Variants in FGD4 observed in about 807,000 individuals in gnomAD.
FGD4 encodes FYVE, RhoGEF and PH domain-containing protein 4.
FGD4 carries 42 observed loss-of-function variants against 102.0 expected under a neutral mutation model. The observed-to-expected ratio is 0.41, with a 90% CI of 0.32 to 0.53. FGD4 has a LOEUF of 0.53. Ranked by LOEUF, FGD4 falls within the 20% of genes least tolerant of loss-of-function variation. The probability of loss-of-function intolerance (pLI) is 0.21; values close to 1 mark genes in which losing one functional copy is unlikely to be tolerated. For missense variants in FGD4, 902 were observed against 1,078.2 expected (o/e 0.84, Z 2.29); for synonymous variants, 380 against 375.7 (o/e 1.01, Z -0.13).
At chr12:32,614,852 G>C (rs984771603) in intron 10 of FGD4, among the ~76,000 whole-genome samples, 4 of 152,164 alleles carry the variant, frequency 2.6e-5, no homozygotes, top group African/African-American at 9.7e-5. Context: ...GTAGAGCTTA[G>C]GTTGAAATAA....
chr12:32,407,391 G>A (rs1940989104), intron 1 of FGD4, among the ~76,000 whole-genome samples: 1 of 152,124 alleles, frequency 6.6e-6, no homozygotes, highest in African/African-American at 2.4e-5. Flanking sequence ...CTCCCAAAGT[G>A]CTGGGATTAC....
chr12:32,486,120 G>T (rs1351355710), intron 1 of FGD4: 1 of 1,530,278 alleles, frequency 6.5e-7, no homozygotes, highest in South Asian at 1.2e-5. Flanking sequence ...TGGATGTTAT[G>T]AAAAGAATCT....
intron 1 of FGD4, among the ~76,000 whole-genome samples, chr12:32,407,091 A>G (rs2651365): frequency 0.55 from 79,935 of 146,028 alleles, 22,511 homozygotes; most frequent in African/African-American, 0.72. Flanking sequence ...GATTACAGGC[A>G]TGAGCCACCA....
chr12:32,543,844 G>C (rs11052060), intron 1 of FGD4, among the ~76,000 whole-genome samples: 12,695 of 152,052 alleles, frequency 0.083, 601 homozygotes, highest in South Asian at 0.19. Flanking sequence ...AGCCAGGATG[G>C]TCTTGATCTC....
At chr12:32,595,198 A>T (rs7305985) in intron 4 of FGD4, among the ~76,000 whole-genome samples, 64,128 of 151,566 alleles carry the variant, frequency 0.42, 15,158 homozygotes, top group African/African-American at 0.65. Flanking sequence ...TTATTACAGG[A>T]TGGAAAGTCA....
chr12:32,454,944 G>A (rs974196867), intron 1 of FGD4, among the ~76,000 whole-genome samples: 19 of 152,068 alleles, frequency 1.2e-4, no homozygotes, highest in African/African-American at 9.7e-5. Context: ...TACAGTTTGG[G>A]GGAGCTTTGA....
intron 1 of FGD4, among the ~76,000 whole-genome samples, chr12:32,466,114 TAA>T (rs1943246014): frequency 6.6e-6 from 1 of 152,192 alleles, no homozygotes; most frequent in African/African-American, 2.4e-5. Flanking sequence ...GATTGTTTTT[TAA>T]AATATAATGG....
At chr12:32,567,822 G>C (rs924076922) in intron 2 of FGD4, among the ~76,000 whole-genome samples, 1 of 151,926 alleles carries the variant, frequency 6.6e-6, no homozygotes, top group Non-Finnish European at 1.5e-5. Context: ...TCAGTAGCTG[G>C]ACTACAGGAA....
intron 7 of FGD4, among the ~76,000 whole-genome samples, chr12:32,607,475 T>A (rs911705502): frequency 1.3e-5 from 2 of 152,144 alleles, no homozygotes; most frequent in East Asian, 3.9e-4. Flanking sequence ...AAGATTGTGA[T>A]GTTACAGATT....
At chr12:32,551,253 G>T (rs1033054420) in intron 1 of FGD4, among the ~76,000 whole-genome samples, 1 of 152,194 alleles carries the variant, frequency 6.6e-6, no homozygotes, top group African/African-American at 2.4e-5. Context: ...CAAGTAAGAG[G>T]CTTAGGAGGC....
chr12:32,411,558 A>G (rs965377087), intron 1 of FGD4, among the ~76,000 whole-genome samples: 1 of 151,480 alleles, frequency 6.6e-6, no homozygotes, highest in South Asian at 2.1e-4. Flanking sequence ...AACAACAAAC[A>G]CATGCTAGGA....
intron 4 of FGD4, among the ~76,000 whole-genome samples, chr12:32,587,818 C>T (rs917526951): frequency 6.6e-6 from 1 of 152,136 alleles, no homozygotes; most frequent in African/African-American, 2.4e-5. Flanking sequence ...TAGTTTTGTA[C>T]TCTTATACTA....
intron 1 of FGD4, among the ~76,000 whole-genome samples, chr12:32,555,569 CTTTT>C (rs776546962): frequency 8.4e-6 from 1 of 118,748 alleles, no homozygotes; most frequent in Admixed American, 8.7e-5. Flanking sequence ...GAGACAAGGT[CTTTT>C]TTTTTTTTTT....
intron 1 of FGD4, among the ~76,000 whole-genome samples, chr12:32,402,341 T>A: frequency 6.6e-6 from 1 of 151,484 alleles, no homozygotes; most frequent in Non-Finnish European, 1.5e-5. Context: ...GAGGCTGTAG[T>A]GAGCCATGAT....
At position 32,642,155 on chromosome 12, in the gene FGD4, C is replaced by CAT. The variant is rs1417019130; in HGVS notation, c.*1624_*1625dup. ...GCTGACATAATAGGTTCCCTTCCTCCATAAAAGGATTATCAGCCATGATCA... is the reference window on the plus strand; with the variant it reads ...GCTGACATAATAGGTTCCCTTCCTCCATATAAAAGGATTATCAGCCATGATCA... On this transcript the variant is annotated 3_prime_UTR_variant, in exon 17 of 17. Transcript: ENST00000534526. 6.6e-6 allele frequency: 1 copy of CAT among 151,996 alleles called. No individual in the cohort carries two copies. The highest frequency in any genetic ancestry group is 2.4e-5 in the African/African-American group (1 of 41,402). 9.4% of individuals were successfully genotyped at this position (151,996 alleles called of 1,614,324 possible).
In FGD4 at chr12:32,645,468, C is replaced by T. The variant is rs1951361024; in HGVS notation, c.*4935C>T. 2 of 151,134 alleles carry T rather than the reference C, an allele frequency of 1.3e-5. No homozygotes were observed. Among genetic ancestry groups the T allele is most frequent in the Admixed American group, 1.3e-4 (2 of 15,204 alleles). 9.4% of individuals were successfully genotyped at this position (151,134 alleles called of 1,614,324 possible). ...ACCAGCCTGGCCAACATGGTGAAACCCTGTCTCTACTAAATAAAAATAAAA... is the reference window on the plus strand; with the variant it reads ...ACCAGCCTGGCCAACATGGTGAAACTCTGTCTCTACTAAATAAAAATAAAA... On this transcript the variant is annotated 3_prime_UTR_variant, in exon 17 of 17. Coordinates refer to ENST00000534526, the MANE Select transcript of FGD4 (RefSeq NM_001370298.3).
At chr12:32,411,595 A>G (rs567788279) in intron 1 of FGD4, among the ~76,000 whole-genome samples, 1 of 152,206 alleles carries the variant, frequency 6.6e-6, no homozygotes, top group African/African-American at 2.4e-5. Context: ...GTGGAACCAT[A>G]TAAATTATAA....
rs1565749165 is a variant in FGD4 at position 32,453,225 on chromosome 12, A to ATATAT, written c.166+53266_166+53267insTATAT. On this transcript the variant is annotated intron_variant, in intron 1 of 16. Coordinates refer to ENST00000534526, the MANE Select transcript of FGD4 (RefSeq NM_001370298.3). ...TTATATATATATATATATATAATATAGATATATATATATTTTTTTTTTTTT... is the reference window on the plus strand; with the variant it reads ...TTATATATATATATATATATAATATATATATGATATATATATATTTTTTTTTTTTT... 9.9e-4 allele frequency among the ~76,000 whole-genome samples: 74 copies of ATATAT among 74,844 alleles called. 2 individuals carry two copies. Among genetic ancestry groups the ATATAT allele is most frequent in the South Asian group, 4.2e-3 (9 of 2,166 alleles). The allele number at this position is 74,844 out of a possible 152,430, so 49.1% of individuals were successfully genotyped here.
chr12:32,625,761 T>C lies in FGD4; in HGVS notation c.2154T>C (p.His718=), dbSNP rs1228658005. The change falls in exon 14 of 17, where the codon CAT becomes CAC. Residue 718 remains histidine, a synonymous_variant. Transcript: ENST00000534526. ...PFNALTRRRH[H]CRACGYVVCW... The stretch of plus-strand genomic sequence containing the variant: ...ATGCACTGACACGAAGGAGGCATCA[T>C]TGTCGAGCATGTGGATATGTAAGTG... The C allele has an allele frequency of 1.2e-6, 2 of 1,614,062 alleles. No homozygotes were observed. Among genetic ancestry groups the C allele is most frequent in the South Asian group, 1.1e-5 (1 of 91,078 alleles).
Sources: allele counts gnomAD v4.1 joint callset (sites outside exome capture counted in the v4.1 genomes callset), GRCh38; gene constraint gnomAD v4.1.1; transcripts MANE v1.5; gene names NCBI Gene and HGNC (gene_info 2026-07-23, HGNC 2026-07-21).